PRKCH: variants seen among roughly 807,000 people sequenced by gnomAD.
PRKCH encodes protein kinase C eta type.
In PRKCH, 28 loss-of-function variants were observed where a neutral mutation model predicts 82.5. The ratio of observed to expected loss-of-function variants is 0.34; its 90% confidence interval spans 0.25 to 0.47. The LOEUF is 0.47. Among genes scored for constraint, PRKCH ranks in the 20% least tolerant of loss-of-function variants. PRKCH has a pLI of 1.00. For missense variants in PRKCH, 705 were observed against 881.8 expected (o/e 0.80, Z 2.54); for synonymous variants, 322 against 327.4 (o/e 0.98, Z 0.18).
chr14:61,200,527 C>T (rs559320561), intron 1 of PRKCH, among the ~76,000 whole-genome samples: 2 of 152,266 alleles, frequency 1.3e-5, no homozygotes, highest in African/African-American at 4.8e-5. Context: ...CAACAGGATT[C>T]TATCTCTTTC....
intron 10 of PRKCH, among the ~76,000 whole-genome samples, chr14:61,519,392 A>G (rs147249736): frequency 1.3e-5 from 2 of 152,070 alleles, no homozygotes; most frequent in Admixed American, 6.6e-5. Flanking sequence ...GGCTCAAGCA[A>G]TCCTCCCACC....
chr14:61,190,116 G>A (rs1275759446), intron 1 of PRKCH, among the ~76,000 whole-genome samples: 1 of 152,118 alleles, frequency 6.6e-6, no homozygotes, highest in Non-Finnish European at 1.5e-5. Flanking sequence ...TAGGGTCATT[G>A]GGCTGATAAA....
chr14:61,291,805 G>A (rs1234877285), intron 1 of PRKCH, among the ~76,000 whole-genome samples: 2 of 152,140 alleles, frequency 1.3e-5, no homozygotes, highest in Admixed American at 6.5e-5. Flanking sequence ...TTTCTTATAA[G>A]CTTTTGTGGC....
chr14:61,509,935 A>G (rs1452027488), intron 10 of PRKCH, among the ~76,000 whole-genome samples: 1 of 151,914 alleles, frequency 6.6e-6, no homozygotes, highest in Non-Finnish European at 1.5e-5. Context: ...AACAAACAAA[A>G]ACAAACTATG....
intron 12 of PRKCH, among the ~76,000 whole-genome samples, chr14:61,545,656 A>G (rs2043246226): frequency 6.6e-6 from 1 of 152,196 alleles, no homozygotes; most frequent in African/African-American, 2.4e-5. Context: ...TTGGTTATTC[A>G]AAAGGATTTA....
At chr14:61,196,788 A>G (rs927621850) in intron 1 of PRKCH, among the ~76,000 whole-genome samples, 2 of 152,218 alleles carry the variant, frequency 1.3e-5, no homozygotes, top group Non-Finnish European at 2.9e-5. Flanking sequence ...ACACGTGAAC[A>G]TAGACTCCCA....
At chr14:61,543,388 A>C (rs1316825070) in intron 12 of PRKCH, 1 of 152,130 alleles carries the variant, frequency 6.6e-6, no homozygotes, top group East Asian at 1.9e-4. Context: ...CAGGAAGGGG[A>C]ACATAAAATG....
At chr14:61,392,532 G>A (rs1164808286) in intron 2 of PRKCH, among the ~76,000 whole-genome samples, 2 of 151,992 alleles carry the variant, frequency 1.3e-5, no homozygotes, top group African/African-American at 2.4e-5. Context: ...TTGGTCATTT[G>A]TTTGTTTATT....
At chr14:61,511,595 G>T (rs2139973902) in intron 10 of PRKCH, among the ~76,000 whole-genome samples, 1 of 152,328 alleles carries the variant, frequency 6.6e-6, no homozygotes, top group South Asian at 2.1e-4. Context: ...GCTCCTTTAT[G>T]GCATAAACTA....
chr14:61,285,429 C>T (rs2045306321), intron 1 of PRKCH, among the ~76,000 whole-genome samples: 1 of 152,148 alleles, frequency 6.6e-6, no homozygotes, highest in Non-Finnish European at 1.5e-5. Flanking sequence ...AACTGTGTGA[C>T]CTTGGTCAAA....
intron 1 of PRKCH, chr14:61,277,582 C>A (rs1485606711): frequency 5.3e-5 from 8 of 152,162 alleles, no homozygotes; most frequent in Admixed American, 2.0e-4. Flanking sequence ...GAAAACGTTT[C>A]CCATTTCAGT....
At chr14:61,240,087 C>T (rs1241511898) in intron 1 of PRKCH, among the ~76,000 whole-genome samples, 2 of 152,200 alleles carry the variant, frequency 1.3e-5, no homozygotes, top group Non-Finnish European at 2.9e-5. Flanking sequence ...GCTACTGCCT[C>T]ATATCATGGT....
chr14:61,344,737 T>G (rs996066052), intron 1 of PRKCH, among the ~76,000 whole-genome samples: 21 of 152,252 alleles, frequency 1.4e-4, no homozygotes, highest in African/African-American at 4.1e-4. Context: ...GATCTTTGCT[T>G]GGGTGATGGC....
rs1424878421 is a variant in PRKCH, at chr14:61,237,934, A to G, written c.-19+50266A>G. Among the ~76,000 whole-genome samples, 3 of 152,386 alleles carry G rather than the reference A, an allele frequency of 2.0e-5. No homozygotes were observed. The East Asian group carries it at 5.8e-4, about 29-fold the overall frequency. ...TAGATACTTTTTGGTTTACAGAGGT[A>G]TAGAAACAACTGTATTGGTTACAGC... On this transcript the variant is annotated intron_variant, in intron 1 of 3. Coordinates refer to the PRKCH transcript ENST00000555185.
intron 2 of PRKCH, among the ~76,000 whole-genome samples, chr14:61,429,216 A>G (rs1335397710): frequency 6.6e-6 from 1 of 152,224 alleles, no homozygotes; most frequent in Non-Finnish European, 1.5e-5. Flanking sequence ...AACATGAAAC[A>G]GAAAAAGTAG....
At chr14:61,534,355 G>A (rs922952160) in intron 12 of PRKCH, among the ~76,000 whole-genome samples, 7 of 152,196 alleles carry the variant, frequency 4.6e-5, no homozygotes, top group Non-Finnish European at 1.0e-4. Flanking sequence ...GATGTGGTAC[G>A]TGCACTCTGA....
At chr14:61,466,558 T>C (rs1320691035) in intron 9 of PRKCH, among the ~76,000 whole-genome samples, 6 of 152,092 alleles carry the variant, frequency 3.9e-5, no homozygotes, top group Admixed American at 1.3e-4. Context: ...AAAGTAAATA[T>C]TGGTCTGAGG....
intron 13 of PRKCH, 147 bp from the exon 14 acceptor site, chr14:61,549,538 T>C: frequency 1.1e-6 from 1 of 922,840 alleles, no homozygotes; most frequent in East Asian, 2.4e-5. Context: ...TAAAGCACAG[T>C]TTCATCATAA....
Position 61,443,098 on chromosome 14 carries a change from T to C in PRKCH, c.428-13T>C. 2 of 1,609,982 alleles carry C rather than the reference T, an allele frequency of 1.2e-6. No homozygotes were observed. The highest frequency in any genetic ancestry group is 8.5e-7 in the Non-Finnish European group (1 of 1,177,762). On this transcript the variant is annotated splice_polypyrimidine_tract_variant and intron_variant, in intron 2 of 13. Coordinates refer to ENST00000332981, the MANE Select transcript of PRKCH (RefSeq NM_006255.5). The stretch of plus-strand genomic sequence containing the variant: ...TACATCTTATTCTTTTTTTCCTTCC[T>C]TTTAATATATAGCTACTCTCCAGAG...
Sources: allele counts gnomAD v4.1 joint callset (sites outside exome capture counted in the v4.1 genomes callset), GRCh38; gene constraint gnomAD v4.1.1; transcripts MANE v1.5; gene names NCBI Gene and HGNC (gene_info 2026-07-23, HGNC 2026-07-21).